Variants in DPP10 observed in about 807,000 individuals in gnomAD.
DPP10 encodes the protein inactive dipeptidyl peptidase 10.
Under a neutral mutation model 120.9 loss-of-function variants are expected in DPP10, and 33 were observed. The ratio of observed to expected loss-of-function variants is 0.27; its 90% confidence interval spans 0.21 to 0.37. The LOEUF (loss-of-function observed/expected upper bound fraction) is 0.37, where lower values mean the gene tolerates loss of function less well. Among genes scored for constraint, DPP10 ranks in the 10% least tolerant of loss-of-function variants. The pLI, the probability that DPP10 is intolerant of heterozygous loss-of-function variation, is 1.00. For missense variants in DPP10, 816 were observed against 942.8 expected, an observed-to-expected ratio of 0.87 and a Z score of 1.76; for synonymous variants, 337 against 326.1, an observed-to-expected ratio of 1.03 and a Z score of -0.36.
chr2:115,327,117 G>T (rs2062411870), intron 2 of DPP10, among the ~76,000 whole-genome samples: 1 of 151,930 alleles, frequency 6.6e-6, no homozygotes, highest in South Asian at 2.1e-4. Flanking sequence ...TCTATGTTTA[G>T]ATACACAAAT....
chr2:114,859,273 C>G (rs534267337), intron 1 of DPP10, among the ~76,000 whole-genome samples: 1 of 150,776 alleles, frequency 6.6e-6, no homozygotes, highest in African/African-American at 2.4e-5. Flanking sequence ...AGGCGGGAGG[C>G]AGGAGAATCG....
At chr2:115,755,009 G>C (rs909659847) in intron 11 of DPP10, among the ~76,000 whole-genome samples, 1 of 152,092 alleles carries the variant, frequency 6.6e-6, no homozygotes, top group South Asian at 2.1e-4. Flanking sequence ...AGTTAAATGA[G>C]TTTTGGCAAA....
At chr2:115,644,508 T>G (rs949369560) in intron 5 of DPP10, among the ~76,000 whole-genome samples, 1 of 151,950 alleles carries the variant, frequency 6.6e-6, no homozygotes, top group East Asian at 1.9e-4. Flanking sequence ...CAATGGCTCA[T>G]ACCTATAAAC....
intron 1 of DPP10, among the ~76,000 whole-genome samples, chr2:115,082,598 T>C (rs1486602190): frequency 6.6e-6 from 1 of 152,350 alleles, no homozygotes; most frequent in East Asian, 1.9e-4. Context: ...ATCTGAGTAG[T>C]CTCAAGAATT....
chr2:115,275,592 C>CT (rs997940800), intron 1 of DPP10, among the ~76,000 whole-genome samples: 2 of 151,320 alleles, frequency 1.3e-5, no homozygotes, highest in African/African-American at 2.4e-5. Context: ...AGCCTTTCTT[C>CT]TTTTTTTGGA....
intron 3 of DPP10, among the ~76,000 whole-genome samples, chr2:115,473,783 A>G (rs1367027265): frequency 6.6e-6 from 1 of 152,194 alleles, no homozygotes; most frequent in African/African-American, 2.4e-5. Context: ...TTTTTGTGAC[A>G]TAGAGAACAT....
intron 1 of DPP10, among the ~76,000 whole-genome samples, chr2:115,027,756 T>C (rs1703566235): frequency 6.6e-6 from 1 of 152,136 alleles, no homozygotes. Flanking sequence ...TCTTCTTTGA[T>C]GAGAGACTTT....
chr2:115,324,168 C>A (rs540007961), intron 2 of DPP10, among the ~76,000 whole-genome samples: 3 of 151,960 alleles, frequency 2.0e-5, no homozygotes, highest in African/African-American at 7.3e-5. Flanking sequence ...CCCAGCTACT[C>A]GGGAGGCTGA....
At chr2:115,451,794 G>A (rs2104974401) in intron 3 of DPP10, among the ~76,000 whole-genome samples, 1 of 152,036 alleles carries the variant, frequency 6.6e-6, no homozygotes, top group East Asian at 1.9e-4. Context: ...AAATACTCAT[G>A]TTTTTATACA....
chr2:115,537,581 C>G (rs1001492537), intron 5 of DPP10, among the ~76,000 whole-genome samples: 2 of 31,772 alleles, frequency 6.3e-5, no homozygotes, highest in African/African-American at 9.2e-5. Context: ...TTTTTTTTTT[C>G]TCATGGATCT....
intron 1 of DPP10, among the ~76,000 whole-genome samples, chr2:114,593,040 A>C (rs1418086686): frequency 6.6e-6 from 1 of 152,226 alleles, no homozygotes; most frequent in Admixed American, 6.5e-5. Flanking sequence ...CAAAACAAAA[A>C]AATGCTTTTT....
At chr2:115,025,037 G>A (rs1460103555) in intron 1 of DPP10, among the ~76,000 whole-genome samples, 4 of 151,292 alleles carry the variant, frequency 2.6e-5, no homozygotes, top group Admixed American at 1.3e-4. Context: ...TTCTTTTCTA[G>A]ATAATTTGAA....
chr2:114,500,928 A>C (rs929580003), intron 1 of DPP10, among the ~76,000 whole-genome samples: 3 of 152,210 alleles, frequency 2.0e-5, no homozygotes, highest in African/African-American at 7.2e-5. Context: ...AATGCCTCAG[A>C]GCCGAGGGCC....
intron 19 of DPP10, among the ~76,000 whole-genome samples, chr2:115,799,263 T>C (rs1011813423): frequency 2.0e-5 from 3 of 152,014 alleles, no homozygotes; most frequent in African/African-American, 7.2e-5. Context: ...AAGATAAATC[T>C]ATGTTGCACA....
At chr2:115,408,649 G>T (rs1042392463) in intron 3 of DPP10, among the ~76,000 whole-genome samples, 1 of 151,928 alleles carries the variant, frequency 6.6e-6, no homozygotes, top group African/African-American at 2.4e-5. Flanking sequence ...AATTCTATTA[G>T]GAATCAACAA....
intron 5 of DPP10, among the ~76,000 whole-genome samples, chr2:115,642,589 CTCT>C (rs2086874971): frequency 6.6e-6 from 1 of 152,092 alleles, no homozygotes; most frequent in Admixed American, 6.6e-5. Context: ...CTCTCTCCTT[CTCT>C]TCTTATTTCT....
At chr2:115,082,230 C>A (rs1298701985) in intron 1 of DPP10, among the ~76,000 whole-genome samples, 1 of 152,184 alleles carries the variant, frequency 6.6e-6, no homozygotes, top group Non-Finnish European at 1.5e-5. Context: ...TAAAAACCTT[C>A]CTGCTAAGGT....
chr2:114,474,271 T>C (rs1680190065), intron 1 of DPP10, among the ~76,000 whole-genome samples: 1 of 152,242 alleles, frequency 6.6e-6, no homozygotes, highest in South Asian at 2.1e-4. Context: ...TGCTATTTGA[T>C]AATTATTTTC....
At position 115,399,707 on chromosome 2, in the gene DPP10, A is replaced by T. The variant is rs530335009; in HGVS notation, c.271+55795A>T. On this transcript the variant is annotated intron_variant, in intron 3 of 25. Coordinates refer to ENST00000410059, the MANE Select transcript of DPP10 (RefSeq NM_020868.6). ...TTCCTTTTGATTTAAATGTAACTTA[A>T]AGAGAGGAAGGAAAATTTTTATTTC... Among the ~76,000 whole-genome samples the T allele has an allele frequency of 4.6e-5, 7 of 152,284 alleles. No homozygotes were observed. In the South Asian group the frequency reaches 1.5e-3, roughly 32 times the overall value.
Sources: allele counts gnomAD v4.1 joint callset (sites outside exome capture counted in the v4.1 genomes callset), GRCh38; gene constraint gnomAD v4.1.1; transcripts MANE v1.5; gene names NCBI Gene and HGNC (gene_info 2026-07-23, HGNC 2026-07-21).